Variants in MYLK observed in about 807,000 individuals in gnomAD.
MYLK encodes myosin light chain kinase, smooth muscle.
MYLK carries 106 observed loss-of-function variants against 203.4 expected under a neutral mutation model. That is an observed-to-expected ratio of 0.52 (90% CI 0.45 to 0.61). The LOEUF (loss-of-function observed/expected upper bound fraction) is 0.61, where lower values mean the gene tolerates loss of function less well. MYLK is among the 20% of genes least tolerant of loss of function. MYLK has a pLI of 0.00. For synonymous variants in MYLK, 867 were observed against 959.5 expected (o/e 0.90, Z 1.78); for missense variants, 2,072 against 2,442.3 (o/e 0.85, Z 3.20).
rs758789910 is a variant in MYLK at position 123,657,418 on chromosome 3, G to T, written c.3996C>A (p.Asp1332Glu). The change falls in exon 24 of 34, where the codon GAC becomes GAA. Residue 1332 changes from aspartate (D) to glutamate (E), a missense_variant. Coordinates refer to ENST00000360304, the MANE Select transcript of MYLK (RefSeq NM_053025.4). ...AGGCACAAGGTGTGCCAGCTGGGGG[G>T]TCTGGCTTATCTGGGGATAAAGAAG... ...QVNLTVVDKP[D>E]PPAGTPCASD... The T allele has an allele frequency of 1.2e-6, 2 of 1,613,422 alleles. No individual in the cohort carries two copies. The highest frequency in any genetic ancestry group is 1.7e-6 in the Non-Finnish European group (2 of 1,180,016).
intron 3 of MYLK, among the ~76,000 whole-genome samples, chr3:123,806,357 C>T (rs2065365791): frequency 6.6e-6 from 1 of 152,138 alleles, no homozygotes; most frequent in Non-Finnish European, 1.5e-5. Context: ...GCACAGAGAA[C>T]AGGCCATGGT....
Position 123,640,829 on chromosome 3 carries a change from T to C in MYLK, c.4620-325A>G, listed in dbSNP as rs1019222814. ...CAAAAAGAGTGACCTCTAAACAGTCTCTTTCCCTCAAATGACCACACATGC... is the reference window on the plus strand; with the variant it reads ...CAAAAAGAGTGACCTCTAAACAGTCCCTTTCCCTCAAATGACCACACATGC... On this transcript the variant is annotated intron_variant, in intron 27 of 33. Transcript: ENST00000360304. The surrounding 1 kb of genome is among the most constrained non-coding windows in gnomAD (Gnocchi z 4.3). 6.6e-6 allele frequency among the ~76,000 whole-genome samples: 1 copy of C among 152,218 alleles called. No homozygotes were observed. Among genetic ancestry groups the C allele is most frequent in the African/African-American group, 2.4e-5 (1 of 41,472 alleles).
intron 23 of MYLK, among the ~76,000 whole-genome samples, chr3:123,663,565 C>T (rs17364940): frequency 0.035 from 5,348 of 152,102 alleles, 123 homozygotes; most frequent in Middle Eastern, 0.082. Context: ...GCGACACTTA[C>T]GGGCTGCTGG....
chr3:123,614,219 A>C lies in MYLK; in HGVS notation c.5631T>G (p.Asp1877Glu), dbSNP rs772417046. The change falls in exon 34 of 34, where the codon GAT becomes GAG. Residue 1877 changes from aspartate to glutamate, a missense_variant. Asp to Glu is a conservative substitution (Grantham distance 45). This residue lies in a region of MYLK where 524 missense variants were observed against 782.4 expected (regional missense o/e 0.67). Coordinates refer to ENST00000360304, the MANE Select transcript of MYLK (RefSeq NM_053025.4). The stretch of plus-strand genomic sequence containing the variant: ...TGACAGCCTTGCAGGTGTACTTGGC[A>C]TCGTCATCCCCGCAAACATCACTAA... Reference protein sequence around the residue: ...LIISDVCGDDDAKYTCKAVNS... With the variant: ...LIISDVCGDDEAKYTCKAVNS... The C allele has an allele frequency of 6.2e-7, 1 of 1,614,026 alleles. No homozygotes were observed. Among genetic ancestry groups the C allele is most frequent in the Non-Finnish European group, 8.5e-7 (1 of 1,180,020 alleles).
intron 3 of MYLK, among the ~76,000 whole-genome samples, chr3:123,820,204 C>G (rs149809850): frequency 1.3e-5 from 2 of 152,240 alleles, no homozygotes; most frequent in East Asian, 1.9e-4. Flanking sequence ...TTGGGCAGAA[C>G]AGGTAAGAAC....
intron 2 of MYLK, among the ~76,000 whole-genome samples, chr3:123,849,116 C>T (rs771216355): frequency 1.3e-5 from 2 of 152,086 alleles, no homozygotes; most frequent in Non-Finnish European, 2.9e-5. Flanking sequence ...GCTGGGACTA[C>T]AGGCCCGCGT....
chr3:123,665,045 T>C (rs973937658), intron 22 of MYLK, among the ~76,000 whole-genome samples: 1 of 152,218 alleles, frequency 6.6e-6, no homozygotes, highest in Non-Finnish European at 1.5e-5. Flanking sequence ...TAGATAATGG[T>C]GATGCTTGCA....
Position 123,612,337 on chromosome 3 carries a change from T to C in MYLK, c.*1768A>G, listed in dbSNP as rs1235831658. 5 of 152,744 alleles carry C rather than the reference T, an allele frequency of 3.3e-5. No individual in the cohort carries two copies. The East Asian group carries it at 5.8e-4, about 18-fold the overall frequency. 9.5% of individuals were successfully genotyped at this position (152,744 alleles called of 1,614,324 possible). A position where few individuals can be genotyped will look rare whatever the true frequency, so the allele number is the denominator to read the frequency against. On this transcript the variant is annotated 3_prime_UTR_variant, in exon 34 of 34. Transcript: ENST00000360304. ...CACTGTGGTATCCTTTATTTAAAAA[T>C]TGTGAGCTGACTACAGTTGTAGTGT...
At chr3:123,704,189 C>T (rs1457993105) in intron 16 of MYLK, among the ~76,000 whole-genome samples, 3 of 152,230 alleles carry the variant, frequency 2.0e-5, no homozygotes, top group East Asian at 1.9e-4. Flanking sequence ...TTAAGTGGAT[C>T]ACCTGGTGGC....
intron 27 of MYLK, among the ~76,000 whole-genome samples, chr3:123,646,160 G>A (rs920158329): frequency 1.3e-5 from 2 of 152,046 alleles, no homozygotes; most frequent in African/African-American, 4.8e-5. Context: ...AACTAAAAAA[G>A]CAAAGTATAT....
chr3:123,750,282 C>T (rs1292106787), intron 5 of MYLK, among the ~76,000 whole-genome samples: 1 of 151,994 alleles, frequency 6.6e-6, no homozygotes, highest in Admixed American at 6.6e-5. Flanking sequence ...AATTTGAGGG[C>T]CTGAGTCTCC....
chr3:123,827,716 T>C (rs1191440923), intron 3 of MYLK, among the ~76,000 whole-genome samples: 1 of 87,350 alleles, frequency 1.1e-5, no homozygotes, highest in Non-Finnish European at 2.1e-5. Context: ...TATATATATA[T>C]ATATATATAT....
chr3:123,728,395 CACTT>C (rs2062364571), intron 11 of MYLK, among the ~76,000 whole-genome samples: 2 of 152,104 alleles, frequency 1.3e-5, no homozygotes, highest in South Asian at 2.1e-4. Flanking sequence ...CCTGTAGTCT[CACTT>C]AGTAGGCTGA....
In MYLK at chr3:123,752,455, G is replaced by A. The variant is rs149179973; in HGVS notation, c.249C>T (p.Cys83=). 4.5e-5 allele frequency: 73 copies of A among 1,614,042 alleles called. No homozygotes were observed. The African/African-American group carries it at 5.7e-4, about 13-fold the overall frequency. Residue 83 remains cysteine, a synonymous_variant, in exon 5 of 34, where the codon TGC becomes TGT. Coordinates refer to ENST00000360304, the MANE Select transcript of MYLK (RefSeq NM_053025.4). ...ITSGGRFLLD[C]GIRGTFSLVI... is the part of the protein sequence containing the mutation. The stretch of plus-strand genomic sequence containing the variant: ...CAAGGCTGAAAGTCCCCCGGATGCC[G>A]CAATCCAGCAGGAAGCGGCCCCCGC...
chr3:123,808,979 A>T (rs1364045765), intron 3 of MYLK, among the ~76,000 whole-genome samples: 1 of 152,210 alleles, frequency 6.6e-6, no homozygotes, highest in African/African-American at 2.4e-5. Context: ...ACAAGGTCAC[A>T]TTGTTAGAGA....
intron 19 of MYLK, 133 bp from the exon 20 acceptor site, chr3:123,682,443 C>T: frequency 1.3e-6 from 1 of 743,226 alleles, no homozygotes; most frequent in Non-Finnish European, 2.3e-6. Flanking sequence ...CTGGGCAGAA[C>T]AGCGCCTGTG....
At chr3:123,726,270 A>G (rs907359368) in intron 11 of MYLK, among the ~76,000 whole-genome samples, 192 bp from the exon 12 acceptor site, 23 of 152,178 alleles carry the variant, frequency 1.5e-4, no homozygotes, top group Admixed American at 1.5e-3. Context: ...TGGAGCCTGA[A>G]GCAGAGTCAC....
At position 123,846,073 on chromosome 3, in the gene MYLK, C is replaced by T. The variant is rs1033434663; in HGVS notation, c.-126-14403G>A. Reference sequence around the variant, plus strand: ...ATGTTCCAGGATCTAATCCAAGATACCTCATTGCATTTAGGATAAAGCACT... The same window carrying T: ...ATGTTCCAGGATCTAATCCAAGATATCTCATTGCATTTAGGATAAAGCACT... On this transcript the variant is annotated intron_variant, in intron 2 of 33. Transcript: ENST00000360304. Among the ~76,000 whole-genome samples, 31 of 152,262 alleles carry T rather than the reference C, an allele frequency of 2.0e-4. No individual in the cohort carries two copies. The East Asian group carries it at 4.2e-3, about 21-fold the overall frequency.
chr3:123,632,108 G>A (rs763657393), intron 29 of MYLK, among the ~76,000 whole-genome samples: 187 of 152,212 alleles, frequency 1.2e-3, no homozygotes, highest in Non-Finnish European at 2.0e-3. Flanking sequence ...CTGACCTCGT[G>A]TCGTGATCTG....
Sources: gnomAD v4.1 joint callset for allele counts (sites outside exome capture counted in the v4.1 genomes callset) on GRCh38, gnomAD v4.1.1 for gene constraint, gnomAD v4.1.1 regional missense constraint, Gnocchi (gnomAD v3.1) non-coding constraint, MANE v1.5 for transcripts, NCBI Gene and HGNC (gene_info 2026-07-23, HGNC 2026-07-21) for gene names.